KCNQ1OT1: variants seen among roughly 807,000 people sequenced by gnomAD.
The protein encoded by KCNQ1OT1 is KCNQ1 antisense RNA 2 (non-protein coding).
exon 1 of KCNQ1OT1, chr11:2,675,279 C>A (rs190163949): frequency 5.0e-6 from 2 of 398,566 alleles, no homozygotes; most frequent in Non-Finnish European, 8.8e-6. Flanking sequence ...ACTCACCTCT[C>A]CCAAAAGCAG....
chr11:2,654,713 GA>G lies in KCNQ1OT1; in HGVS notation n.45281del, dbSNP rs1849812088. The stretch of plus-strand genomic sequence containing the variant: ...TTGTCATAGGCTGGACTTGGGGCTT[GA>G]ATGCTGACCTAATCTGGGCAGGGAG... On this transcript the variant is annotated non_coding_transcript_exon_variant, in exon 1 of 1. Coordinates refer to ENST00000597346, the Ensembl canonical transcript of KCNQ1OT1. This position sits in a 1 kb window ranked among gnomAD's most constrained non-coding sequence, Gnocchi z 6.4. 5.0e-6 allele frequency: 2 copies of G among 398,796 alleles called. No homozygotes were observed. Among genetic ancestry groups the G allele is most frequent in the Non-Finnish European group, 8.8e-6 (2 of 226,256 alleles). The allele number at this position is 398,796 out of a possible 1,614,324, so 24.7% of individuals were successfully genotyped here. A position where few individuals can be genotyped will look rare whatever the true frequency, so the allele number is the denominator to read the frequency against.
exon 1 of KCNQ1OT1, chr11:2,689,725 C>T (rs1850557959): frequency 5.0e-6 from 2 of 398,688 alleles, no homozygotes; most frequent in East Asian, 7.1e-5. Context: ...GCCTAGAGTG[C>T]CAGAGACTTA....
At chr11:2,622,632 C>T in exon 1 of KCNQ1OT1, 2 of 398,518 alleles carry the variant, frequency 5.0e-6, no homozygotes, top group Admixed American at 4.4e-5. Context: ...TCCCTTACTG[C>T]CTTTTTTTGT....
chr11:2,613,780 C>T lies in KCNQ1OT1; in HGVS notation n.86215G>A, dbSNP rs1589981929. The T allele has an allele frequency of 2.5e-6, 1 of 398,514 alleles. No individual in the cohort carries two copies. Among genetic ancestry groups the T allele is most frequent in the East Asian group, 3.6e-5 (1 of 28,042 alleles). 24.7% of individuals were successfully genotyped at this position (398,514 alleles called of 1,614,324 possible). On this transcript the variant is annotated non_coding_transcript_exon_variant, in exon 1 of 1. Coordinates refer to ENST00000597346, the Ensembl canonical transcript of KCNQ1OT1. The surrounding 1 kb of genome is among the most constrained non-coding windows in gnomAD (Gnocchi z 4.8). ...GCTACTGAGAGAAATCTTCCTCTCA[C>T]CCATATCTCTTCCATCCTAATTCCC... is the stretch of plus-strand genomic sequence containing the variant.
rs1023021558 is a variant in KCNQ1OT1 at position 2,679,825 on chromosome 11, C to T, written n.20170G>A. 2.5e-6 allele frequency: 1 copy of T among 398,626 alleles called. No homozygotes were observed. Among genetic ancestry groups the T allele is most frequent in the Non-Finnish European group, 4.4e-6 (1 of 226,066 alleles). 24.7% of individuals were successfully genotyped at this position (398,626 alleles called of 1,614,324 possible). On this transcript the variant is annotated non_coding_transcript_exon_variant, in exon 1 of 1. Coordinates refer to ENST00000597346, the Ensembl canonical transcript of KCNQ1OT1. This position sits in a 1 kb window ranked among gnomAD's most constrained non-coding sequence, Gnocchi z 4.8. ...AGGAGCACAAGGGGCCAGACTGCTGCTACTTCTGAATTTTATAGGACATGC... is the reference window on the plus strand; with the variant it reads ...AGGAGCACAAGGGGCCAGACTGCTGTTACTTCTGAATTTTATAGGACATGC...
At chr11:2,685,218 C>T (rs1296378575) in exon 1 of KCNQ1OT1, 3 of 398,546 alleles carry the variant, frequency 7.5e-6, no homozygotes, top group South Asian at 1.3e-4. Context: ...AGCTCACACA[C>T]GGAGGCACTA....
chr11:2,661,913 C>T lies in KCNQ1OT1; in HGVS notation n.38082G>A. ...CACAGGCCTGGCTCCACAGCACTGG[C>T]AGGTTGGGTGGGAGGCCTAACGTGC... On this transcript the variant is annotated non_coding_transcript_exon_variant, in exon 1 of 1. Transcript: ENST00000597346. The surrounding 1 kb of genome is among the most constrained non-coding windows in gnomAD (Gnocchi z 5.9). The T allele has an allele frequency of 1.2e-6, 2 of 1,613,674 alleles. No homozygotes were observed. Among genetic ancestry groups the T allele is most frequent in the Non-Finnish European group, 1.7e-6 (2 of 1,179,832 alleles).
rs1258765759 is a variant in KCNQ1OT1 at position 2,690,494 on chromosome 11, G to A, written n.9501C>T. The A allele has an allele frequency of 7.5e-6, 3 of 398,400 alleles. No individual in the cohort carries two copies. The highest frequency in any genetic ancestry group is 2.1e-5 in the African/African-American group (1 of 48,568). The allele number at this position is 398,400 out of a possible 1,614,324, so 24.7% of individuals were successfully genotyped here. A position where few individuals can be genotyped will look rare whatever the true frequency, so the allele number is the denominator to read the frequency against. ...CTGGGAACAGCCACTGGGCCCAGTC[G>A]GGGGGGTCTCAGCACCTATCACAAA... On this transcript the variant is annotated non_coding_transcript_exon_variant, in exon 1 of 1. Transcript: ENST00000597346. This position sits in a 1 kb window ranked among gnomAD's most constrained non-coding sequence, Gnocchi z 5.1.
exon 1 of KCNQ1OT1, chr11:2,697,117 G>A (rs1448388739): frequency 5.0e-6 from 2 of 398,444 alleles, no homozygotes; most frequent in Non-Finnish European, 8.8e-6. Context: ...CAAAGATAAA[G>A]AGTTTTCCAG....
rs1344236182 is a variant in KCNQ1OT1 at position 2,623,367 on chromosome 11, T to C, written n.76628A>G. The stretch of plus-strand genomic sequence containing the variant: ...TTATAGTATCATACAGATACGTATA[T>C]TTACATATATTTGTACATTTTCACT... On this transcript the variant is annotated non_coding_transcript_exon_variant, in exon 1 of 1. Transcript: ENST00000597346. This position sits in a 1 kb window ranked among gnomAD's most constrained non-coding sequence, Gnocchi z 5.2. The C allele has an allele frequency of 2.5e-6, 1 of 398,624 alleles. No homozygotes were observed. The highest frequency in any genetic ancestry group is 4.4e-5 in the Admixed American group (1 of 22,734). The allele number at this position is 398,624 out of a possible 1,614,324, so 24.7% of individuals were successfully genotyped here.
exon 1 of KCNQ1OT1, chr11:2,630,240 C>T: frequency 2.5e-6 from 1 of 397,938 alleles, no homozygotes; most frequent in Non-Finnish European, 4.4e-6. Context: ...ACTTAACTGT[C>T]CTTATGTACT....
chr11:2,661,520 C>T lies in KCNQ1OT1; in HGVS notation n.38475G>A, dbSNP rs965100166. 1.3e-5 allele frequency: 6 copies of T among 471,584 alleles called. No homozygotes were observed. The highest frequency in any genetic ancestry group is 2.2e-5 in the Non-Finnish European group (6 of 268,888). 29.2% of individuals were successfully genotyped at this position (471,584 alleles called of 1,614,324 possible). On this transcript the variant is annotated non_coding_transcript_exon_variant, in exon 1 of 1. Transcript: ENST00000597346. The surrounding 1 kb of genome is among the most constrained non-coding windows in gnomAD (Gnocchi z 5.9). ...TCCTCATGGGTCAGAGGTCCTATCA[C>T]CCCATCTTTCCTGACCCACTACTCT...
In KCNQ1OT1 at chr11:2,664,911, C is replaced by T. The variant is rs1248398569; in HGVS notation, n.35084G>A. The stretch of plus-strand genomic sequence containing the variant: ...AGACACATTTTGTTTCCATCTCGAG[C>T]TCTCCCCGCCCGCAGGGCCCCAGAG... On this transcript the variant is annotated non_coding_transcript_exon_variant, in exon 1 of 1. Transcript: ENST00000597346. This position sits in a 1 kb window ranked among gnomAD's most constrained non-coding sequence, Gnocchi z 5.1. 2.5e-6 allele frequency: 1 copy of T among 398,522 alleles called. No individual in the cohort carries two copies. The highest frequency in any genetic ancestry group is 2.1e-5 in the African/African-American group (1 of 48,616). 24.7% of individuals were successfully genotyped at this position (398,522 alleles called of 1,614,324 possible).
exon 1 of KCNQ1OT1, chr11:2,649,544 G>A (rs1251031149): frequency 2.5e-6 from 1 of 398,410 alleles, no homozygotes; most frequent in African/African-American, 2.1e-5. Context: ...CTTCATTTCT[G>A]AAGGATAGCT....
At chr11:2,634,077 G>A (rs771326173) in exon 1 of KCNQ1OT1, 2 of 396,750 alleles carry the variant, frequency 5.0e-6, no homozygotes, top group Admixed American at 4.4e-5. Context: ...GGTCTTTTGT[G>A]GTTCCATGCA....
rs532451126 is a variant in KCNQ1OT1 at position 2,635,500 on chromosome 11, G to A, written n.64495C>T. 3.9e-5 allele frequency: 6 copies of A among 152,252 alleles called. No individual in the cohort carries two copies. In the East Asian group the frequency reaches 1.2e-3, roughly 29 times the overall value. 9.4% of individuals were successfully genotyped at this position (152,252 alleles called of 1,614,324 possible). The stretch of plus-strand genomic sequence containing the variant: ...AAAGATCAGATGATTGTAGATGTGT[G>A]GTATTATTTCTGAGGGCTCTGTTCT... On this transcript the variant is annotated non_coding_transcript_exon_variant, in exon 1 of 1. Coordinates refer to ENST00000597346, the Ensembl canonical transcript of KCNQ1OT1.
At position 2,670,300 on chromosome 11, in the gene KCNQ1OT1, A is replaced by G. The variant is rs966413640; in HGVS notation, n.29695T>C. ...TCTCTAGGCAACCCATAGGTGCCCA[A>G]TGGAGAGATAATCTCAAATATGGTA... is the stretch of plus-strand genomic sequence containing the variant. On this transcript the variant is annotated non_coding_transcript_exon_variant, in exon 1 of 1. Transcript: ENST00000597346. The surrounding 1 kb of genome is among the most constrained non-coding windows in gnomAD (Gnocchi z 4.9). 1.6e-4 allele frequency: 64 copies of G among 398,610 alleles called. No homozygotes were observed. The highest frequency in any genetic ancestry group is 9.4e-4 in the African/African-American group (46 of 48,742). 24.7% of individuals were successfully genotyped at this position (398,610 alleles called of 1,614,324 possible). A position where few individuals can be genotyped will look rare whatever the true frequency, so the allele number is the denominator to read the frequency against.
Position 2,682,912 on chromosome 11 carries a change from C to T in KCNQ1OT1, n.17083G>A. On this transcript the variant is annotated non_coding_transcript_exon_variant, in exon 1 of 1. Coordinates refer to ENST00000597346, the Ensembl canonical transcript of KCNQ1OT1. This position sits in a 1 kb window ranked among gnomAD's most constrained non-coding sequence, Gnocchi z 5.8. ...TGTTCCCAGACAGAAAATGGTGGCA[C>T]CTGGAGAGGTGCTCAGGTCTGTGTG... 1 of 398,590 alleles carries T rather than the reference C, an allele frequency of 2.5e-6. No individual in the cohort carries two copies. The highest frequency in any genetic ancestry group is 4.4e-6 in the Non-Finnish European group (1 of 226,100). 24.7% of individuals were successfully genotyped at this position (398,590 alleles called of 1,614,324 possible).
Position 2,654,979 on chromosome 11 carries a change from G to A in KCNQ1OT1, n.45016C>T, listed in dbSNP as rs953368361. On this transcript the variant is annotated non_coding_transcript_exon_variant, in exon 1 of 1. Transcript: ENST00000597346. This position sits in a 1 kb window ranked among gnomAD's most constrained non-coding sequence, Gnocchi z 6.4. ...GTTTCTTGACTTGGAAAAGTATCAT[G>A]CAAAATAGAAAACACAGACACAATA... is the stretch of plus-strand genomic sequence containing the variant. 1 of 398,568 alleles carries A rather than the reference G, an allele frequency of 2.5e-6. No individual in the cohort carries two copies. The highest frequency in any genetic ancestry group is 2.1e-5 in the African/African-American group (1 of 48,730). The allele number at this position is 398,568 out of a possible 1,614,324, so 24.7% of individuals were successfully genotyped here.
Sources: allele counts gnomAD v4.1 joint callset, GRCh38; gene constraint gnomAD v4.1.1; non-coding constraint Gnocchi (gnomAD v3.1); transcripts MANE v1.5; gene names NCBI Gene and HGNC (gene_info 2026-07-23, HGNC 2026-07-21).